The following SEMA5A variants were observed in gnomAD, a reference collection of about 807,000 sequenced individuals.
SEMA5A encodes semaphorin 5A, also known as semaphorin-5A.
In SEMA5A, 55 loss-of-function variants were observed where a neutral mutation model predicts 135.5. The ratio of observed to expected loss-of-function variants is 0.41; its 90% CI spans 0.33 to 0.51. SEMA5A has a LOEUF of 0.51. Among genes scored for constraint, SEMA5A ranks in the 20% least tolerant of loss-of-function variants. The probability of loss-of-function intolerance (pLI) is 0.37; values close to 1 mark genes in which losing one functional copy is unlikely to be tolerated. For missense variants in SEMA5A, 1,290 were observed against 1,419.9 expected (o/e 0.91, Z 1.47); for synonymous variants, 580 against 546.5 (o/e 1.06, Z -0.85).
chr5:9,462,740 C>A (rs1034297172), intron 1 of SEMA5A, among the ~76,000 whole-genome samples: 2 of 152,074 alleles, frequency 1.3e-5, no homozygotes, highest in African/African-American at 2.4e-5. Flanking sequence ...AAACCAAATA[C>A]CGCATTTTCT....
chr5:9,111,011 C>T (rs1487789145), intron 15 of SEMA5A, among the ~76,000 whole-genome samples: 3 of 152,108 alleles, frequency 2.0e-5, no homozygotes, highest in East Asian at 1.9e-4. Flanking sequence ...GCAAATGTGT[C>T]GAGTTCCAAT....
chr5:9,096,558 G>C (rs1166644926), intron 16 of SEMA5A, among the ~76,000 whole-genome samples: 1 of 109,332 alleles, frequency 9.1e-6, no homozygotes, highest in Non-Finnish European at 1.8e-5. Context: ...ATTCCACTGT[G>C]TGTGTGTGTG....
chr5:9,138,320 C>T (rs566304906), intron 12 of SEMA5A, among the ~76,000 whole-genome samples: 1 of 152,234 alleles, frequency 6.6e-6, no homozygotes, highest in Non-Finnish European at 1.5e-5. Context: ...TTTATCCATA[C>T]ATATAAGCAT....
At chr5:9,346,456 A>G (rs1753872237) in intron 3 of SEMA5A, among the ~76,000 whole-genome samples, 1 of 152,210 alleles carries the variant, frequency 6.6e-6, no homozygotes, top group African/African-American at 2.4e-5. Context: ...AGCTGTTAAC[A>G]TTTAAGCTAT....
intron 13 of SEMA5A, among the ~76,000 whole-genome samples, chr5:9,133,121 T>C (rs1741528164): frequency 6.6e-6 from 1 of 152,322 alleles, no homozygotes; most frequent in East Asian, 1.9e-4. Flanking sequence ...TGATTATATA[T>C]GATAGATTTG....
intron 11 of SEMA5A, among the ~76,000 whole-genome samples, chr5:9,161,835 C>T (rs1046532553): frequency 3.3e-5 from 5 of 152,234 alleles, no homozygotes; most frequent in African/African-American, 1.2e-4. Context: ...AATCCCTGCA[C>T]CAGGTCAATT....
At chr5:9,240,663 G>C (rs1261751850) in intron 5 of SEMA5A, among the ~76,000 whole-genome samples, 1 of 151,814 alleles carries the variant, frequency 6.6e-6, no homozygotes, top group Non-Finnish European at 1.5e-5. Flanking sequence ...AAATTAGGCT[G>C]TTTGTTTAAC....
chr5:9,072,872 C>T (rs1305971120), intron 16 of SEMA5A, among the ~76,000 whole-genome samples: 4 of 152,154 alleles, frequency 2.6e-5, no homozygotes, highest in South Asian at 2.1e-4. Context: ...AAACATGACC[C>T]GTAATGAAGA....
intron 2 of SEMA5A, among the ~76,000 whole-genome samples, chr5:9,418,032 A>G (rs1448605728): frequency 6.7e-6 from 1 of 148,958 alleles, no homozygotes; most frequent in Non-Finnish European, 1.5e-5. Context: ...GCTGGATTGC[A>G]GTGGCGTGAT....
intron 15 of SEMA5A, among the ~76,000 whole-genome samples, chr5:9,112,994 G>A (rs1056649355): frequency 2.6e-5 from 4 of 152,186 alleles, no homozygotes; most frequent in African/African-American, 9.6e-5. Context: ...CCCTCAGTCT[G>A]ACATCCCACA....
chr5:9,197,070 A>G (rs779439213), intron 10 of SEMA5A, 98 bp downstream of exon 10: 53 of 1,522,406 alleles, frequency 3.5e-5, no homozygotes, highest in Non-Finnish European at 4.2e-5. Context: ...TGCATGGTGC[A>G]TGCACCCGCG....
intron 5 of SEMA5A, among the ~76,000 whole-genome samples, chr5:9,301,066 T>G (rs941893072): frequency 2.0e-5 from 3 of 152,216 alleles, no homozygotes; most frequent in African/African-American, 7.2e-5. Context: ...ACAACTTATA[T>G]TCTCTCTAAT....
rs943170483 is a variant in SEMA5A at position 9,512,109 on chromosome 5, G to A, written c.-175+33475C>T. On this transcript the variant is annotated intron_variant, in intron 1 of 22. Transcript: ENST00000382496. ...TTCCTGGCAATGAAAGTCAAAGGAAGTCAAAATTGTGGCTTCTAGAAAAGA... is the reference window on the plus strand; with the variant it reads ...TTCCTGGCAATGAAAGTCAAAGGAAATCAAAATTGTGGCTTCTAGAAAAGA... 9 of 152,264 alleles carry A rather than the reference G, an allele frequency of 5.9e-5. No homozygotes were observed. In the East Asian group the frequency reaches 1.7e-3, roughly 29 times the overall value. The allele number at this position is 152,264 out of a possible 1,614,324, so 9.4% of individuals were successfully genotyped here. A position where few individuals can be genotyped will look rare whatever the true frequency, so the allele number is the denominator to read the frequency against.
Position 9,190,339 on chromosome 5 carries a change from G to C in SEMA5A, c.1201C>G (p.Arg401Gly), listed in dbSNP as rs141668225. The change falls in exon 11 of 23, where the codon CGC (arginine) becomes GGC (glycine). Residue 401 changes from arginine to glycine, a missense_variant. Coordinates refer to ENST00000382496, the MANE Select transcript of SEMA5A (RefSeq NM_003966.3). ...ACGTCGACTGCCACGTGGGAAAAGCGGCTATTGTCCTCCATGAAGGAGGGC... is the reference window on the plus strand; with the variant it reads ...ACGTCGACTGCCACGTGGGAAAAGCCGCTATTGTCCTCCATGAAGGAGGGC... Reference protein sequence around the residue: ...TVPSFMEDNSRFSHVAVDVVQ... With the variant: ...TVPSFMEDNSGFSHVAVDVVQ... The C allele has an allele frequency of 6.2e-7, 1 of 1,613,952 alleles. No homozygotes were observed. Among genetic ancestry groups the C allele is most frequent in the Admixed American group, 1.7e-5 (1 of 60,002 alleles).
chr5:9,141,750 C>T (rs1310421083), intron 12 of SEMA5A, among the ~76,000 whole-genome samples: 2 of 151,990 alleles, frequency 1.3e-5, no homozygotes, highest in South Asian at 4.1e-4. Context: ...GTTGGAGTAA[C>T]AGAAAAATAA....
At chr5:9,341,138 A>G (rs768022245) in intron 3 of SEMA5A, among the ~76,000 whole-genome samples, 3 of 151,900 alleles carry the variant, frequency 2.0e-5, no homozygotes, top group Non-Finnish European at 4.4e-5. Context: ...TGCATAATAA[A>G]CTTCCAAGTA....
intron 8 of SEMA5A, among the ~76,000 whole-genome samples, chr5:9,208,413 G>T (rs559140861): frequency 1.7e-4 from 26 of 152,288 alleles, no homozygotes; most frequent in African/African-American, 5.5e-4. Flanking sequence ...GTGCTCCTTA[G>T]TAAACTGATA....
Position 9,082,055 on chromosome 5 carries a change from T to G in SEMA5A, c.2074-15409A>C, listed in dbSNP as rs1738416638. 2.6e-5 allele frequency among the ~76,000 whole-genome samples: 4 copies of G among 152,214 alleles called. No individual in the cohort carries two copies. The South Asian group carries it at 8.3e-4, about 31-fold the overall frequency. On this transcript the variant is annotated intron_variant, in intron 16 of 22. Coordinates refer to ENST00000382496, the MANE Select transcript of SEMA5A (RefSeq NM_003966.3). ...GATCAGAGCTGCTCTTGGAGCCCTTTTTCTCAAGAGCTTCTTGCAAATGCT... is the reference window on the plus strand; with the variant it reads ...GATCAGAGCTGCTCTTGGAGCCCTTGTTCTCAAGAGCTTCTTGCAAATGCT...
At chr5:9,308,331 G>T (rs1015900) in intron 5 of SEMA5A, among the ~76,000 whole-genome samples, 106,542 of 151,950 alleles carry the variant, frequency 0.7, 39,488 homozygotes, top group Non-Finnish European at 0.83. Context: ...CACTCCAAAT[G>T]TGGCAGCCGA....
Sources: gnomAD v4.1 joint callset for allele counts (sites outside exome capture counted in the v4.1 genomes callset) on GRCh38, gnomAD v4.1.1 for gene constraint, MANE v1.5 for transcripts, NCBI Gene and HGNC (gene_info 2026-07-23, HGNC 2026-07-21) for gene names.